CPA6: variants seen among roughly 807,000 people sequenced by gnomAD.
CPA6 encodes the protein carboxypeptidase A6.
A neutral mutation model predicts 63.3 loss-of-function variants in CPA6; 58 were observed. The observed-to-expected ratio is 0.92, with a 90% CI of 0.74 to 1.14. The LOEUF is 1.14. CPA6 is among the 50% of genes most tolerant of loss of function. The pLI is 0.00. For missense variants in CPA6, 565 were observed against 526.6 expected, an observed-to-expected ratio of 1.07 and a Z score of -0.71; for synonymous variants, 185 against 179.0, an observed-to-expected ratio of 1.03 and a Z score of -0.27.
At chr8:67,706,795 A>G (rs575401476) in intron 1 of CPA6, among the ~76,000 whole-genome samples, 1 of 152,272 alleles carries the variant, frequency 6.6e-6, no homozygotes, top group Admixed American at 6.5e-5. Flanking sequence ...TTACAGTCAA[A>G]CTGATTAAGA....
At position 67,607,248 on chromosome 8, in the gene CPA6, T is replaced by TC. The variant is rs1564021530; in HGVS notation, c.192+16927dup. 1.3e-3 allele frequency among the ~76,000 whole-genome samples: 105 copies of TC among 83,486 alleles called. 11 individuals are homozygous for TC. The highest frequency in any genetic ancestry group is 5.7e-3 in the African/African-American group (97 of 17,120). The allele number at this position is 83,486 out of a possible 152,430, so 54.8% of individuals were successfully genotyped here. On this transcript the variant is annotated intron_variant, in intron 2 of 10. Coordinates refer to ENST00000297770, the MANE Select transcript of CPA6 (RefSeq NM_020361.5). ...TTCTTCTTCTTCTTCTTCTTCTTCTTCTTCTCCTCCTCCTCCTTTCTTCTT... is the reference window on the plus strand; with the variant it reads ...TTCTTCTTCTTCTTCTTCTTCTTCTTCCTTCTCCTCCTCCTCCTTTCTTCTT...
At chr8:67,643,242 C>G (rs1271603258) in intron 1 of CPA6, among the ~76,000 whole-genome samples, 2 of 152,158 alleles carry the variant, frequency 1.3e-5, no homozygotes, top group African/African-American at 4.8e-5. Flanking sequence ...GGAATTTCCA[C>G]AGCACCAAGA....
chr8:67,524,613 C>CAT lies in CPA6; in HGVS notation c.193-6567_193-6566insAT, dbSNP rs1554670781. ...AGATTCTTAAGTACATTTGAAAAAA[C>CAT]TTTTTTTGTTTTTTTGCAAATCAGG... is the stretch of plus-strand genomic sequence containing the variant. On this transcript the variant is annotated intron_variant, in intron 2 of 10. Coordinates refer to ENST00000297770, the MANE Select transcript of CPA6 (RefSeq NM_020361.5). 3.3e-4 allele frequency among the ~76,000 whole-genome samples: 50 copies of CAT among 149,882 alleles called. 2 individuals are homozygous for CAT. Among genetic ancestry groups the CAT allele is most frequent in the Non-Finnish European group, 4.6e-4 (31 of 67,656 alleles).
chr8:67,640,151 G>A (rs1196296314), intron 1 of CPA6, among the ~76,000 whole-genome samples: 1 of 151,418 alleles, frequency 6.6e-6, no homozygotes, highest in Non-Finnish European at 1.5e-5. Flanking sequence ...TTCCCACTCT[G>A]GTCTGTGGGA....
intron 2 of CPA6, among the ~76,000 whole-genome samples, chr8:67,599,411 C>T (rs947153289): frequency 1.3e-5 from 2 of 152,158 alleles, no homozygotes; most frequent in Non-Finnish European, 2.9e-5. Flanking sequence ...TGCCCAACTC[C>T]CCTCTGGAAG....
chr8:67,584,033 C>G (rs1813851685), intron 2 of CPA6, among the ~76,000 whole-genome samples: 2 of 152,136 alleles, frequency 1.3e-5, no homozygotes, highest in Admixed American at 6.5e-5. Flanking sequence ...TGGCATGTGC[C>G]TGTAATCCCA....
intron 2 of CPA6, among the ~76,000 whole-genome samples, chr8:67,559,604 A>G (rs1813153593): frequency 6.6e-6 from 1 of 152,180 alleles, no homozygotes. Context: ...CATTGCCAAT[A>G]TTCCAAGCCC....
chr8:67,591,374 T>A (rs968942429), intron 2 of CPA6, among the ~76,000 whole-genome samples: 4 of 152,150 alleles, frequency 2.6e-5, no homozygotes, highest in African/African-American at 9.7e-5. Flanking sequence ...TGTGGGCTCT[T>A]TTTTGGTTCC....
At position 67,431,519 on chromosome 8, in the gene CPA6, T is replaced by C. The variant is rs1157319385; in HGVS notation, c.1041+2519A>G. Reference sequence around the variant, plus strand: ...CTGGGATTACAGGCATCAGCCACTGTGCCCAGCCCTCATACAATAATTTTT... The same window carrying C: ...CTGGGATTACAGGCATCAGCCACTGCGCCCAGCCCTCATACAATAATTTTT... On this transcript the variant is annotated intron_variant, in intron 9 of 10. Coordinates refer to ENST00000297770, the MANE Select transcript of CPA6 (RefSeq NM_020361.5). Among the ~76,000 whole-genome samples the C allele has an allele frequency of 3.3e-5, 5 of 152,168 alleles. No homozygotes were observed. In the East Asian group the frequency reaches 5.8e-4, roughly 18 times the overall value.
intron 10 of CPA6, among the ~76,000 whole-genome samples, chr8:67,424,768 T>C (rs1227826290): frequency 6.6e-6 from 1 of 152,228 alleles, no homozygotes; most frequent in Non-Finnish European, 1.5e-5. Flanking sequence ...TTTTTGAAGA[T>C]TACCAATGAC....
intron 8 of CPA6, among the ~76,000 whole-genome samples, chr8:67,467,450 A>G (rs1006141486): frequency 6.6e-6 from 1 of 152,062 alleles, no homozygotes. Flanking sequence ...CTGACCTCCT[A>G]CTAGCTGCCA....
At chr8:67,635,474 A>T (rs915839680) in intron 1 of CPA6, among the ~76,000 whole-genome samples, 2 of 151,722 alleles carry the variant, frequency 1.3e-5, no homozygotes, top group Non-Finnish European at 2.9e-5. Context: ...CACTTTATAT[A>T]AAAGAAAAAG....
At chr8:67,664,972 A>G (rs1422730506) in intron 1 of CPA6, among the ~76,000 whole-genome samples, 1 of 152,174 alleles carries the variant, frequency 6.6e-6, no homozygotes, top group Non-Finnish European at 1.5e-5. Flanking sequence ...CCTAGGTACT[A>G]CCTAGGAAAG....
At chr8:67,484,230 C>T (rs187188312) in intron 7 of CPA6, among the ~76,000 whole-genome samples, 4,523 of 152,158 alleles carry the variant, frequency 0.03, 220 homozygotes, top group African/African-American at 0.1. Context: ...CCACCGCGCC[C>T]GGCTAATTTT....
chr8:67,600,738 G>T (rs575160334), intron 2 of CPA6, among the ~76,000 whole-genome samples: 2 of 152,170 alleles, frequency 1.3e-5, no homozygotes, highest in Non-Finnish European at 2.9e-5. Context: ...TATACCACAT[G>T]AATGTCTGCT....
chr8:67,545,365 T>A (rs1045528128), intron 2 of CPA6, among the ~76,000 whole-genome samples: 1 of 152,164 alleles, frequency 6.6e-6, no homozygotes, highest in Non-Finnish European at 1.5e-5. Context: ...TAACGGCCAC[T>A]TTTAATGCTA....
chr8:67,718,409 A>T (rs1817423955), intron 1 of CPA6, among the ~76,000 whole-genome samples: 1 of 152,178 alleles, frequency 6.6e-6, no homozygotes, highest in African/African-American at 2.4e-5. Flanking sequence ...AAAATCTTTC[A>T]GGTCTATGCC....
At chr8:67,535,664 A>G (rs1286179473) in intron 2 of CPA6, among the ~76,000 whole-genome samples, 1 of 152,216 alleles carries the variant, frequency 6.6e-6, no homozygotes, top group South Asian at 2.1e-4. Flanking sequence ...TTGCCTGTTC[A>G]TTCTGATGAT....
In CPA6 at chr8:67,430,213, CTT is replaced by C. The variant is rs1472763218; in HGVS notation, c.1042-2084_1042-2083del. 1.3e-4 allele frequency among the ~76,000 whole-genome samples: 17 copies of C among 132,532 alleles called. No individual in the cohort carries two copies. In the South Asian group the frequency reaches 2.7e-3, roughly 21 times the overall value. 86.9% of individuals were successfully genotyped at this position (132,532 alleles called of 152,430 possible). ...TTTTTTTTTTAGACAGAGTTTTGCT[CTT>C]GTCGCCCAGGCTGGAGTGCAATGGC... is the stretch of plus-strand genomic sequence containing the variant. On this transcript the variant is annotated intron_variant, in intron 9 of 10. Transcript: ENST00000297770.
Sources: gnomAD v4.1 joint callset for allele counts (sites outside exome capture counted in the v4.1 genomes callset) on GRCh38, gnomAD v4.1.1 for gene constraint, MANE v1.5 for transcripts, NCBI Gene and HGNC (gene_info 2026-07-23, HGNC 2026-07-21) for gene names.